Variants in PTPRT observed in about 807,000 individuals in gnomAD.
PTPRT encodes protein tyrosine phosphatase receptor type T.
PTPRT carries 56 observed loss-of-function variants against 176.8 expected under a neutral mutation model. The ratio of observed to expected loss-of-function variants is 0.32; its 90% CI spans 0.26 to 0.40. The LOEUF (loss-of-function observed/expected upper bound fraction) is 0.40, where lower values mean the gene tolerates loss of function less well. PTPRT is among the 10% of genes least tolerant of loss of function. PTPRT has a pLI of 1.00. For missense variants in PTPRT, 1,540 were observed against 1,908.2 expected, an observed-to-expected ratio of 0.81 and a Z score of 3.60; for synonymous variants, 783 against 739.0, an observed-to-expected ratio of 1.06 and a Z score of -0.96.
intron 2 of PTPRT, among the ~76,000 whole-genome samples, chr20:42,842,150 A>G (rs1334175556): frequency 6.6e-6 from 1 of 152,212 alleles, no homozygotes; most frequent in African/African-American, 2.4e-5. Context: ...GTATTCTCCA[A>G]CAGCAGCCTG....
intron 8 of PTPRT, among the ~76,000 whole-genome samples, chr20:42,449,662 G>T (rs1395973224): frequency 6.6e-6 from 1 of 152,086 alleles, no homozygotes; most frequent in Non-Finnish European, 1.5e-5. Context: ...TTGTAAAGAG[G>T]GAACTAAACA....
At chr20:42,318,730 T>C (rs1239658497) in intron 11 of PTPRT, among the ~76,000 whole-genome samples, 1 of 152,188 alleles carries the variant, frequency 6.6e-6, no homozygotes, top group Non-Finnish European at 1.5e-5. Flanking sequence ...CCGCTTGAAT[T>C]GATCACATCT....
chr20:42,969,189 T>C (rs189659855), intron 1 of PTPRT: 2 of 152,192 alleles, frequency 1.3e-5, no homozygotes, highest in Admixed American at 6.5e-5. Context: ...TTTATAGCCA[T>C]AAAAAAGAAA....
rs533607054 is a variant in PTPRT, at chr20:42,206,591, G to C, written c.2343-7203C>G. 6.0e-4 allele frequency among the ~76,000 whole-genome samples: 92 copies of C among 152,310 alleles called. 1 individual carries two copies. Among genetic ancestry groups the C allele is most frequent in the Admixed American group, 1.7e-3 (26 of 15,304 alleles). On this transcript the variant is annotated intron_variant, in intron 15 of 30. Transcript: ENST00000373187. ...ATTTCCGACGGGCTTAAAAAACGGC[G>C]AACCACGAGATTATATCCCACACCT...
At chr20:42,406,147 TAAC>T (rs1397807346) in intron 9 of PTPRT, among the ~76,000 whole-genome samples, 1 of 151,748 alleles carries the variant, frequency 6.6e-6, no homozygotes, top group East Asian at 1.9e-4. Flanking sequence ...AGGAACAAAA[TAAC>T]AAAATAAAAT....
chr20:42,766,876 C>T (rs933180686), intron 5 of PTPRT, among the ~76,000 whole-genome samples: 8 of 152,220 alleles, frequency 5.3e-5, no homozygotes, highest in African/African-American at 1.9e-4. Context: ...CAGGAAGTAG[C>T]ACTGCTACAC....
rs1190162106 is a variant in PTPRT, at chr20:42,078,616, T to C, written c.*2263A>G. 5.5e-6 allele frequency: 1 copy of C among 182,978 alleles called. No individual in the cohort carries two copies. The highest frequency in any genetic ancestry group is 1.2e-5 in the Non-Finnish European group (1 of 85,814). 11.3% of individuals were successfully genotyped at this position (182,978 alleles called of 1,614,324 possible). ...ATCTCTCTAAAGCTCCATGGACTCC[T>C]TGTTGCCAATAGGACAAAGTCTGTA... On this transcript the variant is annotated 3_prime_UTR_variant, in exon 31 of 31. Coordinates refer to ENST00000373187, the MANE Select transcript of PTPRT (RefSeq NM_007050.6).
rs115860654 is a variant in PTPRT at position 42,466,765 on chromosome 20, G to A, written c.1450+5501C>T. Among the ~76,000 whole-genome samples, 712 of 152,100 alleles carry A rather than the reference G, an allele frequency of 4.7e-3. 7 individuals carry two copies. The highest frequency in any genetic ancestry group is 0.016 in the African/African-American group (681 of 41,486). On this transcript the variant is annotated intron_variant, in intron 8 of 30. Transcript: ENST00000373187. The stretch of plus-strand genomic sequence containing the variant: ...AACCTACAGGCAATAACGCATCACC[G>A]AGCACACCTAAGATGTATATCTTAG...
chr20:42,359,870 G>A (rs921201051), intron 9 of PTPRT, among the ~76,000 whole-genome samples: 1 of 152,196 alleles, frequency 6.6e-6, no homozygotes, highest in African/African-American at 2.4e-5. Context: ...GCCCTGCTGC[G>A]GCCCTGCAGG....
intron 1 of PTPRT, among the ~76,000 whole-genome samples, chr20:43,087,815 C>G (rs570505415): frequency 7.9e-5 from 12 of 152,080 alleles, no homozygotes; most frequent in Non-Finnish European, 1.5e-4. Context: ...AAACACTGGC[C>G]TATGGAGCTC....
intron 22 of PTPRT, among the ~76,000 whole-genome samples, chr20:42,112,957 A>T (rs1044355559): frequency 6.6e-6 from 1 of 152,146 alleles, no homozygotes; most frequent in East Asian, 1.9e-4. Context: ...CCTTCCTTCG[A>T]GCTCTTCCCA....
chr20:42,512,838 G>T (rs544186709), intron 7 of PTPRT, among the ~76,000 whole-genome samples: 21 of 151,962 alleles, frequency 1.4e-4, no homozygotes, highest in Non-Finnish European at 2.6e-4. Context: ...TGTTGTCATT[G>T]TGATGTTTTT....
chr20:42,428,156 T>C (rs529214801), intron 9 of PTPRT, among the ~76,000 whole-genome samples: 1 of 152,228 alleles, frequency 6.6e-6, no homozygotes. Flanking sequence ...AACACCAACA[T>C]TCAGACTATG....
chr20:43,122,988 G>C (rs1276885238), intron 1 of PTPRT, among the ~76,000 whole-genome samples: 1 of 152,064 alleles, frequency 6.6e-6, no homozygotes, highest in Non-Finnish European at 1.5e-5. Context: ...CAAGTAAACT[G>C]GGATTACAGG....
chr20:42,471,878 A>G (rs144550775), intron 8 of PTPRT, among the ~76,000 whole-genome samples: 4 of 152,156 alleles, frequency 2.6e-5, no homozygotes, highest in African/African-American at 4.8e-5. Flanking sequence ...GCTGGTCTCA[A>G]ACTCCTGAGA....
chr20:42,630,371 C>A (rs2074380577), intron 7 of PTPRT, among the ~76,000 whole-genome samples: 2 of 152,102 alleles, frequency 1.3e-5, no homozygotes, highest in South Asian at 4.1e-4. Context: ...TGGTTTCAAG[C>A]CACTATGTCT....
chr20:42,179,304 T>C (rs180686130), intron 16 of PTPRT, among the ~76,000 whole-genome samples: 2 of 152,370 alleles, frequency 1.3e-5, no homozygotes, highest in Admixed American at 1.3e-4. Context: ...AGTTTTTTAA[T>C]TCATGAAAGC....
Position 43,097,847 on chromosome 20 carries a change from T to A in PTPRT, c.88+91799A>T, listed in dbSNP as rs149480193. 4.1e-3 allele frequency among the ~76,000 whole-genome samples: 628 copies of A among 152,292 alleles called. 1 individual carries two copies. Among genetic ancestry groups the A allele is most frequent in the Middle Eastern group, 0.01 (3 of 294 alleles). ...GGAAACAGCACAGGGGTCTTTATGA[T>A]CTTAAGTATCTTCTGTGTGGCTCTG... On this transcript the variant is annotated intron_variant, in intron 1 of 30. Coordinates refer to ENST00000373187, the MANE Select transcript of PTPRT (RefSeq NM_007050.6).
chr20:42,515,269 G>T (rs1366609564), intron 7 of PTPRT, among the ~76,000 whole-genome samples: 1 of 152,204 alleles, frequency 6.6e-6, no homozygotes, highest in Non-Finnish European at 1.5e-5. Flanking sequence ...CGGATCACAA[G>T]GTCAGGAGTT....
Sources: allele counts gnomAD v4.1 joint callset (sites outside exome capture counted in the v4.1 genomes callset), GRCh38; gene constraint gnomAD v4.1.1; transcripts MANE v1.5; gene names NCBI Gene and HGNC (gene_info 2026-07-23, HGNC 2026-07-21).